The following PPP1R1C variants were observed in gnomAD, a reference collection of about 807,000 sequenced individuals.
The protein encoded by PPP1R1C is protein phosphatase 1 regulatory inhibitor subunit 1C.
In PPP1R1C, 15 loss-of-function variants were observed where a neutral mutation model predicts 17.4. The observed-to-expected ratio is 0.86, with a 90% CI of 0.58 to 1.33. PPP1R1C has a LOEUF of 1.33. Ranked by LOEUF, PPP1R1C falls within the 40% of genes most tolerant of loss-of-function variation. The pLI is 0.00. For synonymous variants in PPP1R1C, 35 were observed against 43.1 expected (o/e 0.81, Z 0.73); for missense variants, 143 against 130.0 (o/e 1.10, Z -0.48).
intron 4 of PPP1R1C, among the ~76,000 whole-genome samples, chr2:182,112,069 A>G (rs1689454865): frequency 6.6e-6 from 1 of 152,156 alleles, no homozygotes; most frequent in African/African-American, 2.4e-5. Flanking sequence ...TTACTGATCC[A>G]TAGCGCTTCT....
intron 4 of PPP1R1C, among the ~76,000 whole-genome samples, chr2:182,112,850 A>G (rs1236629322): frequency 6.6e-6 from 1 of 152,180 alleles, no homozygotes; most frequent in East Asian, 1.9e-4. Context: ...AATGATTTAC[A>G]ATGGTCTAAA....
At chr2:182,042,175 TTACTC>T (rs1189349697) in intron 2 of PPP1R1C, among the ~76,000 whole-genome samples, 1 of 152,234 alleles carries the variant, frequency 6.6e-6, no homozygotes, top group African/African-American at 2.4e-5. Flanking sequence ...ACTCCTTTTT[TTACTC>T]TACTTATTTG....
At chr2:182,080,899 A>C (rs1326347594) in intron 4 of PPP1R1C, among the ~76,000 whole-genome samples, 1 of 152,198 alleles carries the variant, frequency 6.6e-6, no homozygotes, top group African/African-American at 2.4e-5. Flanking sequence ...CATACTCATA[A>C]GGTTTTCGTA....
intron 4 of PPP1R1C, among the ~76,000 whole-genome samples, chr2:182,111,529 C>T (rs1218758621): frequency 6.6e-6 from 1 of 151,954 alleles, no homozygotes; most frequent in Admixed American, 6.6e-5. Flanking sequence ...ATCAATATGT[C>T]CCTTGTTGTC....
At chr2:182,053,255 T>G (rs907094130) in intron 2 of PPP1R1C, among the ~76,000 whole-genome samples, 1 of 152,226 alleles carries the variant, frequency 6.6e-6, no homozygotes, top group African/African-American at 2.4e-5. Context: ...GTGAAAAATG[T>G]TTTCAGCTAA....
chr2:182,116,569 G>A (rs1232288597), intron 4 of PPP1R1C, among the ~76,000 whole-genome samples: 1 of 152,200 alleles, frequency 6.6e-6, no homozygotes, highest in Non-Finnish European at 1.5e-5. Context: ...GTGTTGTTAA[G>A]TGTAAATTAC....
At chr2:182,064,325 A>T (rs1454032598) in intron 4 of PPP1R1C, among the ~76,000 whole-genome samples, 2 of 152,130 alleles carry the variant, frequency 1.3e-5, no homozygotes, top group Non-Finnish European at 2.9e-5. Flanking sequence ...TTTCCCCAGA[A>T]TTGGAACTGC....
intron 2 of PPP1R1C, among the ~76,000 whole-genome samples, chr2:182,034,766 C>T (rs1320836111): frequency 6.6e-6 from 1 of 152,088 alleles, no homozygotes; most frequent in African/African-American, 2.4e-5. Flanking sequence ...TCAAACTTAT[C>T]CAAAGAGGAA....
intron 5 of PPP1R1C, among the ~76,000 whole-genome samples, chr2:182,128,380 C>G (rs899908887): frequency 6.6e-6 from 1 of 152,014 alleles, no homozygotes; most frequent in Non-Finnish European, 1.5e-5. Flanking sequence ...CTCGGTAAAA[C>G]GTGGAGAATT....
In PPP1R1C at chr2:181,962,591, G is replaced by T; in HGVS notation, n.111+7957G>T. The stretch of plus-strand genomic sequence containing the variant: ...AAGCTCAGATCGAACAAAGCAAAGA[G>T]CGGGAGGGGCCCTTGGGCCAAGTAT... On this transcript the variant is annotated intron_variant and non_coding_transcript_variant, in intron 1 of 5. Coordinates refer to the PPP1R1C transcript ENST00000464264. The surrounding 1 kb of genome is among the most constrained non-coding windows in gnomAD (Gnocchi z 6.0). The T allele has an allele frequency of 2.2e-6, 1 of 451,322 alleles. No individual in the cohort carries two copies. Among genetic ancestry groups the T allele is most frequent in the Non-Finnish European group, 4.0e-6 (1 of 252,708 alleles). The allele number at this position is 451,322 out of a possible 1,614,324, so 28.0% of individuals were successfully genotyped here.
intron 1 of PPP1R1C, among the ~76,000 whole-genome samples, chr2:181,965,332 T>C (rs1684657985): frequency 6.6e-6 from 1 of 152,212 alleles, no homozygotes; most frequent in African/African-American, 2.4e-5. Flanking sequence ...TTTGCTTTAG[T>C]TGCCTGTGCT....
intron 4 of PPP1R1C, among the ~76,000 whole-genome samples, chr2:182,093,231 C>T (rs1050366752): frequency 6.6e-6 from 1 of 152,194 alleles, no homozygotes; most frequent in Non-Finnish European, 1.5e-5. Context: ...CCCTCTGAAG[C>T]CACAGCCTGA....
intron 2 of PPP1R1C, among the ~76,000 whole-genome samples, chr2:182,010,737 C>T (rs2125155289): frequency 6.6e-6 from 1 of 152,136 alleles, no homozygotes; most frequent in Admixed American, 6.5e-5. Flanking sequence ...TTCCCCCATT[C>T]AGTATGATAC....
intron 2 of PPP1R1C, among the ~76,000 whole-genome samples, chr2:182,050,650 A>G (rs1490547476): frequency 6.6e-6 from 1 of 152,152 alleles, no homozygotes; most frequent in Non-Finnish European, 1.5e-5. Context: ...TTGCCTATTT[A>G]TTTGATTCTT....
intron 2 of PPP1R1C, among the ~76,000 whole-genome samples, chr2:182,037,768 G>A (rs1687057167): frequency 6.6e-6 from 1 of 152,040 alleles, no homozygotes; most frequent in East Asian, 1.9e-4. Flanking sequence ...TGAATTTGAA[G>A]CAAAATCTAT....
intron 1 of PPP1R1C, among the ~76,000 whole-genome samples, chr2:181,960,570 A>G (rs985752465): frequency 1.3e-5 from 2 of 152,132 alleles, no homozygotes; most frequent in East Asian, 1.9e-4. Flanking sequence ...ATTTCCACCT[A>G]TTTCTCCAAA....
chr2:181,978,456 G>A (rs1257656250), intron 2 of PPP1R1C, among the ~76,000 whole-genome samples: 1 of 152,170 alleles, frequency 6.6e-6, no homozygotes, highest in Admixed American at 6.5e-5. Flanking sequence ...TGAATAGCTA[G>A]GGATTAGAAT....
At position 181,956,235 on chromosome 2, in the gene PPP1R1C, T is replaced by C. The variant is rs955283536; in HGVS notation, n.111+1601T>C. Among the ~76,000 whole-genome samples the C allele has an allele frequency of 3.9e-5, 6 of 152,344 alleles. No homozygotes were observed. In the East Asian group the frequency reaches 1.2e-3, roughly 29 times the overall value. ...CTTGCAAAGGACATGAACTCATTCT[T>C]TCTTATGGCTGCATAGTATTCCATG... On this transcript the variant is annotated intron_variant and non_coding_transcript_variant, in intron 1 of 5. Coordinates refer to the PPP1R1C transcript ENST00000464264.
In PPP1R1C at chr2:181,971,590, G is replaced by A. The variant is rs145274504; in HGVS notation, n.112-3629G>A. Among the ~76,000 whole-genome samples, 440 of 152,186 alleles carry A rather than the reference G, an allele frequency of 2.9e-3. 1 individual carries two copies. Among genetic ancestry groups the A allele is most frequent in the African/African-American group, 9.2e-3 (383 of 41,532 alleles). On this transcript the variant is annotated intron_variant and non_coding_transcript_variant, in intron 1 of 5. Transcript: ENST00000464264. Reference sequence around the variant, plus strand: ...CCCAGCTGGTGTCTCACTAGGTCACGTTCCCTGCAAGTCCCCTCACTCCAC... The same window carrying A: ...CCCAGCTGGTGTCTCACTAGGTCACATTCCCTGCAAGTCCCCTCACTCCAC...
Sources: gnomAD v4.1 joint callset for allele counts (sites outside exome capture counted in the v4.1 genomes callset) on GRCh38, gnomAD v4.1.1 for gene constraint, Gnocchi (gnomAD v3.1) non-coding constraint, MANE v1.5 for transcripts, NCBI Gene and HGNC (gene_info 2026-07-23, HGNC 2026-07-21) for gene names.